The following CSMD3 variants were observed in gnomAD, a reference collection of about 807,000 sequenced individuals.
CSMD3 encodes CUB and Sushi multiple domains 3.
In CSMD3, 177 loss-of-function variants were observed where a neutral mutation model predicts 435.2. That is an observed-to-expected ratio of 0.41 (90% CI 0.36 to 0.46). CSMD3 has a LOEUF of 0.46. Among genes scored for constraint, CSMD3 ranks in the 20% least tolerant of loss-of-function variants. The pLI, the probability that CSMD3 is intolerant of heterozygous loss-of-function variation, is 0.34. For synonymous variants in CSMD3, 1,656 were observed against 1,520.5 expected, an observed-to-expected ratio of 1.09 and a Z score of -2.07; for missense variants, 4,265 against 4,504.6, an observed-to-expected ratio of 0.95 and a Z score of 1.52.
At chr8:113,018,956 T>C in intron 6 of CSMD3, 111 bp downstream of exon 6, 1 of 777,320 alleles carries the variant, frequency 1.3e-6, no homozygotes, top group Non-Finnish European at 2.3e-6. Context: ...TTTTTTTCAA[T>C]ACAAATTCCA....
At chr8:113,265,754 A>C (rs1339436635) in intron 3 of CSMD3, among the ~76,000 whole-genome samples, 1 of 151,594 alleles carries the variant, frequency 6.6e-6, no homozygotes, top group Non-Finnish European at 1.5e-5. Flanking sequence ...ACTGCTTAGA[A>C]GGTAGAGAGA....
chr8:112,839,190 G>A (rs954200434), intron 11 of CSMD3, among the ~76,000 whole-genome samples: 1 of 151,686 alleles, frequency 6.6e-6, no homozygotes, highest in Non-Finnish European at 1.5e-5. Context: ...TAGAGATGGG[G>A]TGGAGGAGAG....
intron 13 of CSMD3, among the ~76,000 whole-genome samples, chr8:112,703,122 C>G (rs754179212): frequency 6.6e-6 from 1 of 152,130 alleles, no homozygotes; most frequent in Non-Finnish European, 1.5e-5. Context: ...GTTGGGATTT[C>G]TTTAATACAT....
intron 13 of CSMD3, among the ~76,000 whole-genome samples, chr8:112,799,148 A>T (rs1316656758): frequency 1.3e-5 from 2 of 151,952 alleles, no homozygotes; most frequent in Non-Finnish European, 2.9e-5. Context: ...CCTTTTTAAT[A>T]AACTGGCATT....
At chr8:112,717,880 G>C (rs1189106712) in intron 13 of CSMD3, among the ~76,000 whole-genome samples, 1 of 152,034 alleles carries the variant, frequency 6.6e-6, no homozygotes, top group Non-Finnish European at 1.5e-5. Context: ...CATGGACACA[G>C]GGAGGGGAAT....
chr8:112,922,116 C>T (rs2082762150), intron 9 of CSMD3, among the ~76,000 whole-genome samples: 1 of 152,032 alleles, frequency 6.6e-6, no homozygotes, highest in Admixed American at 6.6e-5. Context: ...TGTGTCTCTA[C>T]ATGTGTATGC....
chr8:112,365,460 T>C (rs1267979499), intron 38 of CSMD3, among the ~76,000 whole-genome samples: 3 of 138,730 alleles, frequency 2.2e-5, no homozygotes, highest in Non-Finnish European at 4.6e-5. Flanking sequence ...AAATTACGCA[T>C]AGATTTCCTT....
chr8:113,376,777 A>G (rs1340088877), intron 1 of CSMD3: 1 of 1,613,980 alleles, frequency 6.2e-7, no homozygotes, highest in East Asian at 2.2e-5. Flanking sequence ...GGTTTCCAGC[A>G]AAGGAACCAA....
chr8:112,815,288 T>C (rs1453717938), intron 12 of CSMD3, among the ~76,000 whole-genome samples: 2 of 152,156 alleles, frequency 1.3e-5, no homozygotes, highest in Non-Finnish European at 2.9e-5. Context: ...TTTAGGGACA[T>C]AGGATTCAGA....
intron 11 of CSMD3, among the ~76,000 whole-genome samples, chr8:112,847,905 G>C (rs2080372848): frequency 6.6e-6 from 1 of 152,032 alleles, no homozygotes; most frequent in Admixed American, 6.6e-5. Flanking sequence ...GAAAAAACAT[G>C]GGCTTAAATG....
intron 2 of CSMD3, among the ~76,000 whole-genome samples, chr8:113,301,129 A>G (rs924875206): frequency 9.9e-5 from 15 of 152,050 alleles, no homozygotes; most frequent in Admixed American, 2.0e-4. Flanking sequence ...AATGACCACA[A>G]CATGGAGGTG....
chr8:112,541,995 A>G (rs1178327984), intron 27 of CSMD3, among the ~76,000 whole-genome samples: 1 of 151,988 alleles, frequency 6.6e-6, no homozygotes, highest in African/African-American at 2.4e-5. Context: ...ATATACAAAA[A>G]TCAATTATTT....
intron 4 of CSMD3, among the ~76,000 whole-genome samples, chr8:113,159,454 CAGAGTTGGG>C (rs1443901778): frequency 6.6e-6 from 1 of 151,770 alleles, no homozygotes; most frequent in Non-Finnish European, 1.5e-5. Context: ...GGAAAAAATT[CAGAGTTGGG>C]CCATTACAAC....
chr8:113,015,001 C>T (rs957143378), intron 6 of CSMD3, among the ~76,000 whole-genome samples: 1 of 152,110 alleles, frequency 6.6e-6, no homozygotes, highest in Admixed American at 6.6e-5. Flanking sequence ...TCAATTCTAA[C>T]CTTCTGATCC....
intron 10 of CSMD3, among the ~76,000 whole-genome samples, chr8:112,885,988 C>T (rs180912290): frequency 5.3e-5 from 8 of 151,668 alleles, no homozygotes; most frequent in African/African-American, 1.7e-4. Flanking sequence ...AATACATGTT[C>T]CTAAATATTT....
At chr8:113,083,738 T>C (rs993639318) in intron 5 of CSMD3, among the ~76,000 whole-genome samples, 2 of 152,016 alleles carry the variant, frequency 1.3e-5, no homozygotes, top group Non-Finnish European at 2.9e-5. Flanking sequence ...AATTGAAAGG[T>C]AGAGGGAGGA....
chr8:113,090,501 T>G (rs2089967276), intron 5 of CSMD3, among the ~76,000 whole-genome samples: 1 of 152,156 alleles, frequency 6.6e-6, no homozygotes, highest in Non-Finnish European at 1.5e-5. Context: ...TGTTACAATT[T>G]GTTTCTTTCT....
intron 35 of CSMD3, among the ~76,000 whole-genome samples, chr8:112,400,938 G>A (rs1056511959): frequency 1.3e-5 from 2 of 152,156 alleles, no homozygotes; most frequent in African/African-American, 4.8e-5. Flanking sequence ...CAGGCCCGGT[G>A]GCTCACACCT....
chr8:112,419,859 T>C (rs1255605294), intron 32 of CSMD3, among the ~76,000 whole-genome samples: 2 of 152,218 alleles, frequency 1.3e-5, no homozygotes. Context: ...GAGAATTAAT[T>C]TGGTGTTTAA....
Sources: gnomAD v4.1 joint callset for allele counts (sites outside exome capture counted in the v4.1 genomes callset) on GRCh38, gnomAD v4.1.1 for gene constraint, MANE v1.5 for transcripts, NCBI Gene and HGNC (gene_info 2026-07-23, HGNC 2026-07-21) for gene names.